Variants in TPTE2 observed in about 807,000 individuals in gnomAD.
TPTE2 encodes the protein phosphatidylinositol 3,4,5-trisphosphate 3-phosphatase TPTE2.
A neutral mutation model predicts 78.6 loss-of-function variants in TPTE2; 53 were observed. The observed-to-expected ratio is 0.67, with a 90% CI of 0.54 to 0.85. TPTE2 has a LOEUF of 0.85. Among genes scored for constraint, TPTE2 ranks in the 40% least tolerant of loss-of-function variants. The probability of loss-of-function intolerance (pLI) is 0.00; values close to 1 mark genes in which losing one functional copy is unlikely to be tolerated. For missense variants in TPTE2, 461 were observed against 623.0 expected (o/e 0.74, Z 2.77); for synonymous variants, 175 against 206.2 (o/e 0.85, Z 1.30).
intron 13 of TPTE2, among the ~76,000 whole-genome samples, chr13:19,445,459 G>T (rs1877765758): frequency 1.3e-5 from 2 of 152,118 alleles, no homozygotes. Flanking sequence ...CAAGTATTGG[G>T]GAAGATACGG....
At chr13:19,445,804 G>A (rs1420421274) in intron 13 of TPTE2, among the ~76,000 whole-genome samples, 1 of 152,172 alleles carries the variant, frequency 6.6e-6, no homozygotes, top group Non-Finnish European at 1.5e-5. Flanking sequence ...AGCTGGGTAT[G>A]GTGGCGGACG....
intron 13 of TPTE2, among the ~76,000 whole-genome samples, chr13:19,441,836 T>A (rs1425000159): frequency 2.0e-5 from 3 of 152,172 alleles, no homozygotes; most frequent in Non-Finnish European, 1.5e-5. Context: ...AAGTAAATCT[T>A]TAGAATAACT....
chr13:19,486,953 G>C lies in TPTE2; in HGVS notation c.120-4406C>G, dbSNP rs970555374. Among the ~76,000 whole-genome samples the C allele has an allele frequency of 6.6e-6, 1 of 152,300 alleles. No homozygotes were observed. The highest frequency in any genetic ancestry group is 2.4e-5 in the African/African-American group (1 of 41,562). Reference sequence around the variant, plus strand: ...GACACGAGGCTGCTCGGCTGGCCTAGGGGCATGTCTTCTGGAAGTAGCCCA... The same window carrying C: ...GACACGAGGCTGCTCGGCTGGCCTACGGGCATGTCTTCTGGAAGTAGCCCA... On this transcript the variant is annotated intron_variant, in intron 3 of 19. Coordinates refer to ENST00000400230, the Ensembl canonical transcript of TPTE2. This position sits in a 1 kb window ranked among gnomAD's most constrained non-coding sequence, Gnocchi z 4.3.
upstream of TPTE2, among the ~76,000 whole-genome samples, chr13:19,506,160 C>CTTTT (rs71092369): frequency 0.059 from 1,923 of 32,672 alleles, 815 homozygotes; most frequent in African/African-American, 0.072. Context: ...GTATATAAAT[C>CTTTT]TTTTTTTTTT....
the TPTE2 span, among the ~76,000 whole-genome samples, chr13:19,551,138 A>G: frequency 6.6e-6 from 1 of 152,220 alleles, no homozygotes; most frequent in African/African-American, 2.4e-5. Context: ...GCAAATGGCC[A>G]ATAATGGAAA....
chr13:19,475,703 A>T (rs574801908), intron 4 of TPTE2, 80 bp from the exon 8 acceptor site: 14 of 1,402,814 alleles, frequency 1.0e-5, no homozygotes, highest in Non-Finnish European at 1.2e-5. Context: ...GGCCTTTATA[A>T]ATATAATTTT....
In TPTE2 at chr13:19,486,259, T is replaced by A. The variant is rs1869014929; in HGVS notation, c.120-3712A>T. The stretch of plus-strand genomic sequence containing the variant: ...GGATGCAGTAAGTGTAGTCTCCATG[T>A]AGTTTATTCAGCTGTGATCTACACT... On this transcript the variant is annotated intron_variant, in intron 3 of 19. Transcript: ENST00000400230. This position sits in a 1 kb window ranked among gnomAD's most constrained non-coding sequence, Gnocchi z 4.3. Among the ~76,000 whole-genome samples, 1 of 130,118 alleles carries A rather than the reference T, an allele frequency of 7.7e-6. No individual in the cohort carries two copies. The highest frequency in any genetic ancestry group is 1.7e-5 in the Non-Finnish European group (1 of 58,450). The allele number at this position is 130,118 out of a possible 152,430, so 85.4% of individuals were successfully genotyped here. A position where few individuals can be genotyped will look rare whatever the true frequency, so the allele number is the denominator to read the frequency against.
At chr13:19,453,474 T>C (rs970369269) in intron 10 of TPTE2, among the ~76,000 whole-genome samples, 2 of 151,320 alleles carry the variant, frequency 1.3e-5, no homozygotes, top group African/African-American at 4.9e-5. Flanking sequence ...TTAGGGATTT[T>C]TCCAAATCCA....
At chr13:19,443,247 G>A (rs1047996336) in intron 13 of TPTE2, among the ~76,000 whole-genome samples, 2 of 150,552 alleles carry the variant, frequency 1.3e-5, no homozygotes, top group East Asian at 2.0e-4. Context: ...GTTAATCAAT[G>A]TAATTAACCA....
chr13:19,547,596 G>A, the TPTE2 span, among the ~76,000 whole-genome samples: 9 of 151,604 alleles, frequency 5.9e-5, no homozygotes, highest in African/African-American at 1.5e-4. Flanking sequence ...AAAGGAAAAC[G>A]GTAAAAGAAA....
chr13:19,426,960 C>T (rs1338654438), intron 17 of TPTE2, among the ~76,000 whole-genome samples: 7 of 151,942 alleles, frequency 4.6e-5, no homozygotes, highest in African/African-American at 1.7e-4. Context: ...CCGCCTGGGC[C>T]TCCCAAAGTG....
intron 13 of TPTE2, among the ~76,000 whole-genome samples, chr13:19,443,381 T>TTTTC (rs202072194): frequency 0.023 from 3,278 of 143,862 alleles, 51 homozygotes; most frequent in Middle Eastern, 0.052. Context: ...GGAATTTCTT[T>TTTTC]TTTCTTTCTT....
At chr13:19,430,545 C>A (rs746297687) in exon 17 of TPTE2, 15 of 1,607,402 alleles carry the variant, frequency 9.3e-6, no homozygotes, top group Non-Finnish European at 1.2e-5. Context: ...TCACATACAT[C>A]ACCTGTTCCA....
intron 18 of TPTE2, among the ~76,000 whole-genome samples, chr13:19,425,367 A>T (rs957471214): frequency 6.6e-6 from 1 of 152,192 alleles, no homozygotes; most frequent in African/African-American, 2.4e-5. Flanking sequence ...GTGAATTCTT[A>T]TAATTTTTTT....
intron 10 of TPTE2, among the ~76,000 whole-genome samples, chr13:19,452,410 G>A (rs556825703): frequency 7.9e-4 from 120 of 152,154 alleles, no homozygotes; most frequent in African/African-American, 2.7e-3. Flanking sequence ...CAGGGGAAAC[G>A]ATTTTTCAGA....
intron 1 of TPTE2, among the ~76,000 whole-genome samples, chr13:19,517,078 T>C (rs1435191526): frequency 1.3e-5 from 2 of 152,122 alleles, no homozygotes; most frequent in Non-Finnish European, 2.9e-5. Context: ...CAGAGCTGGA[T>C]TTCTGGGAGT....
intron 9 of TPTE2, among the ~76,000 whole-genome samples, chr13:19,464,730 T>C (rs1452457934): frequency 2.0e-5 from 3 of 152,244 alleles, no homozygotes; most frequent in Non-Finnish European, 4.4e-5. Context: ...AGTTCTTAAG[T>C]CTCCACTAGT....
At chr13:19,471,089 T>C (rs894143073) in intron 6 of TPTE2, among the ~76,000 whole-genome samples, 15 of 151,934 alleles carry the variant, frequency 9.9e-5, no homozygotes, top group Non-Finnish European at 1.9e-4. Flanking sequence ...TTTGTATTTT[T>C]AGTAGAGACA....
intron 1 of TPTE2, among the ~76,000 whole-genome samples, chr13:19,515,996 G>A (rs952155529): frequency 1.3e-5 from 2 of 152,330 alleles, no homozygotes; most frequent in African/African-American, 4.8e-5. Context: ...ACTTTGATAA[G>A]CTGCTTTGGG....
Sources: allele counts gnomAD v4.1 joint callset (sites outside exome capture counted in the v4.1 genomes callset), GRCh38; gene constraint gnomAD v4.1.1; non-coding constraint Gnocchi (gnomAD v3.1); transcripts MANE v1.5; gene names NCBI Gene and HGNC (gene_info 2026-07-23, HGNC 2026-07-21).